Variants in PCNX3 observed in about 807,000 individuals in gnomAD.
The protein encoded by PCNX3 is pecanex-like protein 3.
Under a neutral mutation model 207.2 loss-of-function variants are expected in PCNX3, and 58 were observed. That is an observed-to-expected ratio of 0.28 (90% CI 0.23 to 0.35). The LOEUF is 0.35. Ranked by LOEUF, PCNX3 falls within the 10% of genes least tolerant of loss-of-function variation. The pLI is 1.00. For synonymous variants in PCNX3, 1,337 were observed against 1,183.5 expected, an observed-to-expected ratio of 1.13 and a Z score of -2.66; for missense variants, 2,410 against 2,774.4, an observed-to-expected ratio of 0.87 and a Z score of 2.95.
Position 65,635,763 on chromosome 11 carries a change from C to T in PCNX3, c.5419C>T (p.Leu1807=). The T allele has an allele frequency of 6.2e-7, 1 of 1,603,516 alleles. No homozygotes were observed. The highest frequency in any genetic ancestry group is 8.5e-7 in the Non-Finnish European group (1 of 1,175,712). The part of the protein sequence containing the change: ...LRALWGGPIS[L]GAIAHWLLRT... ...GGCACTGTGGGGTGGCCCCATCAGCCTGGGTGCCATTGCCCACTGGCTCCT... is the reference window on the plus strand; with the variant it reads ...GGCACTGTGGGGTGGCCCCATCAGCTTGGGTGCCATTGCCCACTGGCTCCT... The change falls in exon 32 of 35, where the codon CTG becomes TTG. Residue 1807 remains leucine, a synonymous_variant. Transcript: ENST00000355703. The surrounding 1 kb of genome is among the most constrained non-coding windows in gnomAD (Gnocchi z 9.9).
At chr11:65,633,585 TTA>T (rs1855705272) in intron 27 of PCNX3, among the ~76,000 whole-genome samples, 1 of 151,896 alleles carries the variant, frequency 6.6e-6, no homozygotes, top group African/African-American at 2.4e-5. Flanking sequence ...GCGCTCGGGG[TTA>T]TGTTTGTGCA....
intron 11 of PCNX3, among the ~76,000 whole-genome samples, chr11:65,623,015 G>A (rs1400128638): frequency 6.6e-6 from 1 of 151,872 alleles, no homozygotes; most frequent in African/African-American, 2.4e-5. Context: ...AGGGGACACA[G>A]AGTCCCAGAA....
rs1855888921 is a variant in PCNX3, at chr11:65,637,335, A to T, written c.*357A>T. 3.8e-6 allele frequency: 1 copy of T among 260,324 alleles called. No individual in the cohort carries two copies. 16.1% of individuals were successfully genotyped at this position (260,324 alleles called of 1,614,324 possible). A position where few individuals can be genotyped will look rare whatever the true frequency, so the allele number is the denominator to read the frequency against. On this transcript the variant is annotated 3_prime_UTR_variant, in exon 35 of 35. Coordinates refer to ENST00000355703, the MANE Select transcript of PCNX3 (RefSeq NM_032223.4). ...CCCTTGGCCTGGACCTGGGGCCTGA[A>T]TTGTGGGAAGGGTGGTTTCTTTCTT... is the stretch of plus-strand genomic sequence containing the variant.
At position 65,636,270 on chromosome 11, in the gene PCNX3, C is replaced by T; in HGVS notation, c.5556C>T (p.Asn1852=). The T allele has an allele frequency of 1.3e-6, 2 of 1,598,852 alleles. No homozygotes were observed. Among genetic ancestry groups the T allele is most frequent in the South Asian group, 2.2e-5 (2 of 89,172 alleles). Residue 1852 remains asparagine (N), a synonymous_variant, in exon 33 of 35, where the codon AAC becomes AAT. Coordinates refer to ENST00000355703, the MANE Select transcript of PCNX3 (RefSeq NM_032223.4). ...GGGGLTSLSN[N]PPVAHPTPEN... ...GTGGCCTGACCTCCCTCAGCAATAA[C>T]CCCCCCGTGGCACACCCCACACCTG... is the stretch of plus-strand genomic sequence containing the variant.
chr11:65,634,985 C>T lies in PCNX3; in HGVS notation c.4818C>T (p.Phe1606=). ...SHSMSASLEP[F]LYGLHALFKG... ...TCCTCCCACTTAGCCTGGAGCCCTT[C>T]CTCTACGGCCTGCACGCCCTGTTCA... The change falls in exon 30 of 35, where the codon TTC becomes TTT. Residue 1606 remains phenylalanine (F), a synonymous_variant. Transcript: ENST00000355703. The T allele has an allele frequency of 1.2e-6, 2 of 1,613,212 alleles. No homozygotes were observed. Among genetic ancestry groups the T allele is most frequent in the Non-Finnish European group, 1.7e-6 (2 of 1,179,358 alleles).
At chr11:65,627,714 A>G in intron 22 of PCNX3, 132 bp downstream of exon 22, 1 of 1,128,562 alleles carries the variant, frequency 8.9e-7, no homozygotes, top group Non-Finnish European at 1.3e-6. Flanking sequence ...CCTTTGCAGC[A>G]GCCTCTCAAG....
At chr11:65,630,928 GAGCTAACA>G (rs1298428189) in intron 27 of PCNX3, among the ~76,000 whole-genome samples, 2 of 152,240 alleles carry the variant, frequency 1.3e-5, no homozygotes, top group East Asian at 3.8e-4. Flanking sequence ...AGCAGTGGTA[GAGCTAACA>G]GTTGTCACGT....
rs867197206 is a variant in PCNX3, at chr11:65,635,835, C to T, written c.5459+32C>T. 1.3e-5 allele frequency: 20 copies of T among 1,580,968 alleles called. No individual in the cohort carries two copies. The Middle Eastern group carries it at 8.5e-4, about 67-fold the overall frequency. On this transcript the variant is annotated intron_variant, in intron 32 of 34. Coordinates refer to ENST00000355703, the MANE Select transcript of PCNX3 (RefSeq NM_032223.4). This position sits in a 1 kb window ranked among gnomAD's most constrained non-coding sequence, Gnocchi z 9.9. ...CCTCGGGAAGGGGTGACGTGTGGCG[C>T]GGGAGGAAGCTGAGGTGCAGTACGT... is the stretch of plus-strand genomic sequence containing the variant.
rs1855272829 is a variant in PCNX3 at position 65,624,418 on chromosome 11, G to A, written c.2716+52G>A. ...CCCAGGAGAGTGAGTCCCCGAGGGT[G>A]GGCCGCGGAAAGCCAGCAGGCTGAC... On this transcript the variant is annotated intron_variant, in intron 14 of 34. Transcript: ENST00000355703. 14 of 1,551,898 alleles carry A rather than the reference G, an allele frequency of 9.0e-6. No individual in the cohort carries two copies. The South Asian group carries it at 1.7e-4, about 18-fold the overall frequency.
Position 65,635,077 on chromosome 11 carries a change from G to A in PCNX3, c.4910G>A (p.Arg1637His), listed in dbSNP as rs768839386. Reference sequence around the variant, plus strand: ...TTTGCCGACATGGACCTGCTTCACCGCGTTGTGGCGCCTGGGGTTCGCATG... The same window carrying A: ...TTTGCCGACATGGACCTGCTTCACCACGTTGTGGCGCCTGGGGTTCGCATG... ...WVFADMDLLHRVVAPGVRMAL... is the reference protein window; with the variant it reads ...WVFADMDLLHHVVAPGVRMAL... The change falls in exon 30 of 35, where the codon CGC becomes CAC. Residue 1637 changes from arginine (R) to histidine (H), a missense_variant. This residue lies in a region of PCNX3 where 420 missense variants were observed against 705.3 expected (regional missense o/e 0.60). Transcript: ENST00000355703. The surrounding 1 kb of genome is among the most constrained non-coding windows in gnomAD (Gnocchi z 9.9). The A allele has an allele frequency of 7.4e-6, 12 of 1,613,776 alleles. No individual in the cohort carries two copies. Among genetic ancestry groups the A allele is most frequent in the Admixed American group, 1.7e-5 (1 of 59,986 alleles).
At chr11:65,636,061 C>T in intron 32 of PCNX3, 113 bp from the exon 33 acceptor site, 2 of 1,460,568 alleles carry the variant, frequency 1.4e-6, no homozygotes, top group African/African-American at 1.4e-5. Context: ...AGGGGAGGAT[C>T]CTGGGGCTCA....
chr11:65,635,251 C>A lies in PCNX3; in HGVS notation c.4987C>A (p.Pro1663Thr). 1 of 1,586,424 alleles carries A rather than the reference C, an allele frequency of 6.3e-7. No individual in the cohort carries two copies. Among genetic ancestry groups the A allele is most frequent in the Non-Finnish European group, 8.6e-7 (1 of 1,166,722 alleles). ...HFTSPDEYEE[P>T]AALYDAIAAN... ...CACGTCCCCAGATGAATATGAGGAG[C>A]CAGCAGCCCTATACGATGCCATTGC... is the stretch of plus-strand genomic sequence containing the variant. The change falls in exon 31 of 35, where the codon CCA becomes ACA. Residue 1663 changes from proline to threonine, a missense_variant. By Grantham distance (38) the Pro-to-Thr change is conservative. Coordinates refer to ENST00000355703, the MANE Select transcript of PCNX3 (RefSeq NM_032223.4). This position sits in a 1 kb window ranked among gnomAD's most constrained non-coding sequence, Gnocchi z 9.9.
At chr11:65,629,829 G>C (rs1855548778) in intron 26 of PCNX3, 94 bp downstream of exon 26, 1 of 1,371,876 alleles carries the variant, frequency 7.3e-7, no homozygotes, top group Middle Eastern at 2.5e-4. Flanking sequence ...GTCCAGTCCA[G>C]CTCTGTCCAG....
intron 29 of PCNX3, 34 bp downstream of exon 29, chr11:65,634,675 C>T (rs892421964): frequency 1.5e-5 from 23 of 1,510,940 alleles, no homozygotes; most frequent in East Asian, 2.4e-5. Context: ...GGCCTACTGC[C>T]GTCCCCACCC....
rs1349517467 is a variant in PCNX3, at chr11:65,618,688, C to T, written c.1326C>T (p.Tyr442=). The stretch of plus-strand genomic sequence containing the variant: ...CCAGTCTCCGATCGCAGCGCCGCTA[C>T]AGTACTGACAGCTCCTCTTCTACTT... ...PASSLRSQRR[Y]STDSSSSTSC... The change falls in exon 6 of 35, where the codon TAC becomes TAT. Residue 442 remains tyrosine, a synonymous_variant. Transcript: ENST00000355703. The T allele has an allele frequency of 8.7e-6, 14 of 1,613,256 alleles. No homozygotes were observed. Among genetic ancestry groups the T allele is most frequent in the African/African-American group, 2.7e-5 (2 of 75,026 alleles).
rs757578298 is a variant in PCNX3, at chr11:65,620,437, C to A, written c.2099+8C>A. The stretch of plus-strand genomic sequence containing the variant: ...GACAGCTAATGGAGCCTGGTGAGTT[C>A]CCAAGCCTGGCCTCCCAAGCCATTG... On this transcript the variant is annotated splice_region_variant and intron_variant, in intron 9 of 34. Coordinates refer to ENST00000355703, the MANE Select transcript of PCNX3 (RefSeq NM_032223.4). The A allele has an allele frequency of 6.2e-7, 1 of 1,611,408 alleles. No individual in the cohort carries two copies. The highest frequency in any genetic ancestry group is 8.5e-7 in the Non-Finnish European group (1 of 1,179,090).
At chr11:65,623,381 G>A (rs1855213041) in intron 11 of PCNX3, 110 bp from the exon 12 acceptor site, 2 of 1,386,078 alleles carry the variant, frequency 1.4e-6, no homozygotes, top group African/African-American at 2.9e-5. Flanking sequence ...ACAAGGGTCT[G>A]GCATGGGCAC....
chr11:65,628,712 C>T lies in PCNX3; in HGVS notation c.3811+9C>T, dbSNP rs1318443147. 1.6e-5 allele frequency: 24 copies of T among 1,544,466 alleles called. No homozygotes were observed. Among genetic ancestry groups the T allele is most frequent in the African/African-American group, 2.8e-5 (2 of 71,084 alleles). The stretch of plus-strand genomic sequence containing the variant: ...GCCGTTTGCCGTGCCACGTATCCAG[C>T]CTGTGTTTGGGTGGGGGTGTGCAGG... On this transcript the variant is annotated intron_variant, in intron 23 of 34. Coordinates refer to ENST00000355703, the MANE Select transcript of PCNX3 (RefSeq NM_032223.4).
At chr11:65,619,305 T>C (rs1024837352) in intron 6 of PCNX3, 1 of 462,524 alleles carries the variant, frequency 2.2e-6, no homozygotes, top group African/African-American at 2.1e-5. Flanking sequence ...AGGACTCTCA[T>C]CATCCACACT....
Sources: gnomAD v4.1 joint callset for allele counts (sites outside exome capture counted in the v4.1 genomes callset) on GRCh38, gnomAD v4.1.1 for gene constraint, gnomAD v4.1.1 regional missense constraint, Gnocchi (gnomAD v3.1) non-coding constraint, MANE v1.5 for transcripts, NCBI Gene and HGNC (gene_info 2026-07-23, HGNC 2026-07-21) for gene names.